Variants in CMPK1 observed in about 807,000 individuals in gnomAD.
CMPK1 encodes UMP-CMP kinase.
A neutral mutation model predicts 25.7 loss-of-function variants in CMPK1; 10 were observed. That is an observed-to-expected ratio of 0.39 (90% confidence interval 0.24 to 0.66). The LOEUF is 0.66. Among genes scored for constraint, CMPK1 ranks in the 30% least tolerant of loss-of-function variants. CMPK1 has a pLI of 0.48. For missense variants in CMPK1, 199 were observed against 280.5 expected (o/e 0.71, Z 2.08); for synonymous variants, 106 against 101.5 (o/e 1.04, Z -0.27).
intron 1 of CMPK1, among the ~76,000 whole-genome samples, chr1:47,335,468 C>A (rs1367345495): frequency 6.6e-6 from 1 of 151,916 alleles, no homozygotes; most frequent in African/African-American, 2.4e-5. Flanking sequence ...GAAACGTTGT[C>A]TTTACTAAAA....
chr1:47,344,206 C>T (rs940464841), intron 1 of CMPK1, among the ~76,000 whole-genome samples: 1 of 151,988 alleles, frequency 6.6e-6, no homozygotes, highest in African/African-American at 2.4e-5. Flanking sequence ...CATTTAGGGA[C>T]GTTTAGGGAA....
intron 1 of CMPK1, among the ~76,000 whole-genome samples, chr1:47,336,791 G>A (rs907235591): frequency 1.3e-5 from 2 of 152,176 alleles, no homozygotes; most frequent in African/African-American, 4.8e-5. Flanking sequence ...TTCTCAAAGT[G>A]TTGGCATTAC....
intron 1 of CMPK1, among the ~76,000 whole-genome samples, chr1:47,361,688 A>C (rs1646603086): frequency 6.6e-6 from 1 of 152,032 alleles, no homozygotes; most frequent in South Asian, 2.1e-4. Flanking sequence ...TGAGCCCCGG[A>C]CCTGTAAGCA....
Position 47,354,768 on chromosome 1 carries a change from C to G in CMPK1, c.172-13701C>G, listed in dbSNP as rs929398156. ...CATAGACATTTGTTTACAAAAGACA[C>G]TGCTGTAAACATTCATGTACATATG... On this transcript the variant is annotated intron_variant, in intron 1 of 5. Coordinates refer to ENST00000371873, the MANE Select transcript of CMPK1 (RefSeq NM_016308.3). Among the ~76,000 whole-genome samples the G allele has an allele frequency of 2.6e-5, 4 of 152,060 alleles. No homozygotes were observed. In the East Asian group the frequency reaches 7.7e-4, roughly 29 times the overall value.
intron 1 of CMPK1, among the ~76,000 whole-genome samples, chr1:47,345,306 C>G (rs1359288286): frequency 6.6e-6 from 1 of 151,878 alleles, no homozygotes; most frequent in Non-Finnish European, 1.5e-5. Context: ...TTATGATGCC[C>G]TTAGTGTCTC....
At chr1:47,369,202 C>T (rs1646660047) in intron 2 of CMPK1, among the ~76,000 whole-genome samples, 1 of 151,976 alleles carries the variant, frequency 6.6e-6, no homozygotes, top group Admixed American at 6.6e-5. Context: ...GACAGGGTCT[C>T]ACTATGTTGT....
Position 47,374,989 on chromosome 1 carries a change from C to T in CMPK1, c.548+4C>T. Reference sequence around the variant, plus strand: ...ACAGAGAGAGCTTGGAAAAGAGGTACTTGGCAGTTTTTACATACAACCACT... The same window carrying T: ...ACAGAGAGAGCTTGGAAAAGAGGTATTTGGCAGTTTTTACATACAACCACT... On this transcript the variant is annotated splice_donor_region_variant and intron_variant, in intron 4 of 5. Coordinates refer to ENST00000371873, the MANE Select transcript of CMPK1 (RefSeq NM_016308.3). 1.2e-6 allele frequency: 2 copies of T among 1,607,824 alleles called. No homozygotes were observed. Among genetic ancestry groups the T allele is most frequent in the Non-Finnish European group, 1.7e-6 (2 of 1,175,538 alleles).
At chr1:47,357,482 CTTT>C (rs5773945) in intron 1 of CMPK1, among the ~76,000 whole-genome samples, 1 of 145,194 alleles carries the variant, frequency 6.9e-6, no homozygotes, top group South Asian at 2.1e-4. Flanking sequence ...TTAATGGATT[CTTT>C]TTTTTTTTTT....
At chr1:47,370,105 G>A (rs1646668059) in intron 2 of CMPK1, among the ~76,000 whole-genome samples, 1 of 150,730 alleles carries the variant, frequency 6.6e-6, no homozygotes, top group South Asian at 2.1e-4. Flanking sequence ...TTTTAGTAGA[G>A]ACGGGGTTTC....
intron 1 of CMPK1, among the ~76,000 whole-genome samples, chr1:47,356,652 T>C (rs1646562667): frequency 6.6e-6 from 1 of 151,606 alleles, no homozygotes; most frequent in Non-Finnish European, 1.5e-5. Flanking sequence ...TATCTAGTAA[T>C]ACAGAATGCC....
At chr1:47,372,184 C>T (rs1336403562) in intron 2 of CMPK1, among the ~76,000 whole-genome samples, 3 of 151,806 alleles carry the variant, frequency 2.0e-5, no homozygotes, top group Non-Finnish European at 4.4e-5. Flanking sequence ...ACCTCCACCT[C>T]CTGGGTTCAA....
intron 1 of CMPK1, among the ~76,000 whole-genome samples, chr1:47,365,941 C>T (rs1039546404): frequency 1.3e-5 from 2 of 152,108 alleles, no homozygotes; most frequent in African/African-American, 4.8e-5. Context: ...TGCCTGTAAT[C>T]CCAGCACTTT....
In CMPK1 at chr1:47,376,810, C is replaced by A; in HGVS notation, c.*65C>A. On this transcript the variant is annotated 3_prime_UTR_variant, in exon 6 of 6. Transcript: ENST00000371873. ...TTGCTTTGATAGCTGCTATCATGAC[C>A]CCTTTTTAAGGCAATTCTAATCTTT... is the stretch of plus-strand genomic sequence containing the variant. 2.2e-6 allele frequency: 2 copies of A among 907,886 alleles called. No homozygotes were observed. The highest frequency in any genetic ancestry group is 1.8e-6 in the Non-Finnish European group (1 of 566,960). 56.2% of individuals were successfully genotyped at this position (907,886 alleles called of 1,614,324 possible). A position where few individuals can be genotyped will look rare whatever the true frequency, so the allele number is the denominator to read the frequency against.
intron 1 of CMPK1, among the ~76,000 whole-genome samples, chr1:47,346,860 C>T (rs1191445833): frequency 6.7e-6 from 1 of 150,342 alleles, no homozygotes; most frequent in Admixed American, 6.7e-5. Context: ...TCTCCCCTCT[C>T]CTCCCCTTCC....
intron 2 of CMPK1, among the ~76,000 whole-genome samples, chr1:47,372,435 G>A (rs1026234154): frequency 1.3e-5 from 2 of 152,154 alleles, no homozygotes; most frequent in Non-Finnish European, 2.9e-5. Flanking sequence ...AAAGCTTTGT[G>A]TTGTTGGACT....
At chr1:47,364,736 TAATTTATATATTATACATTATGTG>T (rs1350568470) in intron 1 of CMPK1, among the ~76,000 whole-genome samples, 1 of 149,094 alleles carries the variant, frequency 6.7e-6, no homozygotes, top group Non-Finnish European at 1.5e-5. Flanking sequence ...TATGAAAATG[TAATTTATATATTATACATTATGTG>T]AATTTATATA....
intron 1 of CMPK1, among the ~76,000 whole-genome samples, chr1:47,341,320 C>T (rs575837935): frequency 6.6e-6 from 1 of 152,182 alleles, no homozygotes; most frequent in African/African-American, 2.4e-5. Context: ...CATAGATATC[C>T]TTTCAGTTCT....
Position 47,333,987 on chromosome 1 carries a change from C to T in CMPK1, c.42C>T (p.Gly14=). 1.3e-6 allele frequency: 2 copies of T among 1,538,818 alleles called. No homozygotes were observed. Among genetic ancestry groups the T allele is most frequent in the Non-Finnish European group, 1.8e-6 (2 of 1,141,924 alleles). ...GCAGCGGGCTGCTCCACGTCCTGGG[C>T]CTTAGCTTCCTGCTGCAGACCCGCC... ...RCRSGLLHVL[G]LSFLLQTRRP... is the part of the protein sequence containing the mutation. Residue 14 remains glycine (G), a synonymous_variant, in exon 1 of 6, where the codon GGC becomes GGT. Transcript: ENST00000371873.
intron 1 of CMPK1, among the ~76,000 whole-genome samples, chr1:47,366,315 T>C (rs764361565): frequency 2.2e-4 from 34 of 152,346 alleles, no homozygotes; most frequent in Admixed American, 1.6e-3. Flanking sequence ...TAAGTTTTAA[T>C]TGCAAGGAAA....
Sources: gnomAD v4.1 joint callset for allele counts (sites outside exome capture counted in the v4.1 genomes callset) on GRCh38, gnomAD v4.1.1 for gene constraint, MANE v1.5 for transcripts, NCBI Gene and HGNC (gene_info 2026-07-23, HGNC 2026-07-21) for gene names.